BBX: variants seen among roughly 807,000 people sequenced by gnomAD.
BBX encodes the protein HMG box transcription factor BBX.
Under a neutral mutation model 100.2 loss-of-function variants are expected in BBX, and 30 were observed. That is an observed-to-expected ratio of 0.30 (90% CI 0.22 to 0.41). The LOEUF (loss-of-function observed/expected upper bound fraction) is 0.41, where lower values mean the gene tolerates loss of function less well. BBX is among the 10% of genes least tolerant of loss of function. BBX has a pLI of 1.00. For synonymous variants in BBX, 376 were observed against 388.1 expected (o/e 0.97, Z 0.37); for missense variants, 1,023 against 1,129.8 (o/e 0.91, Z 1.35).
chr3:107,747,236 T>TGA (rs2064695347), intron 8 of BBX, among the ~76,000 whole-genome samples: 1 of 151,970 alleles, frequency 6.6e-6, no homozygotes, highest in Non-Finnish European at 1.5e-5. Flanking sequence ...TGAGTGTGTG[T>TGA]GTGTGTGTGT....
At chr3:107,697,763 AGCCTGG>A (rs1299390248) in intron 3 of BBX, among the ~76,000 whole-genome samples, 1 of 151,788 alleles carries the variant, frequency 6.6e-6, no homozygotes, top group Non-Finnish European at 1.5e-5. Flanking sequence ...TACCTAAGCA[AGCCTGG>A]GCAATGGCGG....
intron 2 of BBX, among the ~76,000 whole-genome samples, chr3:107,591,542 C>T (rs1025707058): frequency 2.6e-5 from 4 of 152,148 alleles, no homozygotes; most frequent in African/African-American, 4.8e-5. Context: ...CACTGGAGTG[C>T]GGTAACGCTA....
At chr3:107,562,155 C>A (rs921057749) in intron 2 of BBX, among the ~76,000 whole-genome samples, 2 of 150,916 alleles carry the variant, frequency 1.3e-5, no homozygotes, top group Admixed American at 6.6e-5. Flanking sequence ...GATTCTCACA[C>A]GTTGAAATAA....
intron 3 of BBX, among the ~76,000 whole-genome samples, chr3:107,676,803 G>A (rs1410365245): frequency 1.3e-5 from 2 of 152,148 alleles, no homozygotes; most frequent in Non-Finnish European, 1.5e-5. Flanking sequence ...GTGAGAAAGC[G>A]GTGTAAGGGA....
intron 15 of BBX, among the ~76,000 whole-genome samples, chr3:107,798,120 T>C (rs548703824): frequency 2.6e-5 from 4 of 152,188 alleles, no homozygotes; most frequent in South Asian, 4.1e-4. Context: ...TTTAGTGTCC[T>C]CTGAAGAAAT....
intron 2 of BBX, among the ~76,000 whole-genome samples, chr3:107,583,552 G>A (rs951634673): frequency 4.6e-5 from 7 of 151,526 alleles, no homozygotes; most frequent in Admixed American, 2.0e-4. Context: ...TGATCAAATC[G>A]GGATAATTGG....
At chr3:107,642,888 T>C (rs886602004) in intron 2 of BBX, among the ~76,000 whole-genome samples, 5 of 152,202 alleles carry the variant, frequency 3.3e-5, no homozygotes, top group East Asian at 3.9e-4. Flanking sequence ...ATTAGGGGTA[T>C]GTATGAAAAT....
intron 7 of BBX, among the ~76,000 whole-genome samples, chr3:107,744,174 G>A (rs1243919213): frequency 6.6e-6 from 1 of 152,046 alleles, no homozygotes; most frequent in Admixed American, 6.6e-5. Flanking sequence ...TCTACATTGT[G>A]CCCAGGCAGT....
At chr3:107,703,932 T>C (rs1264829652) in intron 3 of BBX, among the ~76,000 whole-genome samples, 1 of 152,220 alleles carries the variant, frequency 6.6e-6, no homozygotes, top group Non-Finnish European at 1.5e-5. Flanking sequence ...TGCTTCCTTT[T>C]GGTATTTTCA....
rs1434331221 is a variant in BBX at position 107,642,022 on chromosome 3, G to A, written c.-83-3814G>A. Among the ~76,000 whole-genome samples the A allele has an allele frequency of 2.6e-5, 4 of 152,152 alleles. No individual in the cohort carries two copies. In the East Asian group the frequency reaches 7.7e-4, roughly 29 times the overall value. On this transcript the variant is annotated intron_variant, in intron 2 of 17. Transcript: ENST00000325805. ...AGATGATTTAACTAGAGATCAGACT[G>A]TCAGTTTATCATTTCTAGGCCTTTA...
At chr3:107,601,974 A>G (rs986143006) in intron 2 of BBX, among the ~76,000 whole-genome samples, 3 of 152,226 alleles carry the variant, frequency 2.0e-5, no homozygotes, top group African/African-American at 7.2e-5. Context: ...TTGCTCATTT[A>G]CCATTCCAAA....
chr3:107,715,734 G>A (rs769848195), intron 4 of BBX, among the ~76,000 whole-genome samples: 10 of 152,258 alleles, frequency 6.6e-5, no homozygotes, highest in South Asian at 2.1e-4. Flanking sequence ...AAGACTAGGC[G>A]TAGGCCAAAG....
chr3:107,745,716 A>C (rs1007766941), intron 8 of BBX, among the ~76,000 whole-genome samples: 1 of 152,098 alleles, frequency 6.6e-6, no homozygotes, highest in Non-Finnish European at 1.5e-5. Context: ...AGCCCGTCAG[A>C]GTACTGGATT....
chr3:107,568,715 A>G (rs2051122631), intron 2 of BBX, among the ~76,000 whole-genome samples: 1 of 151,928 alleles, frequency 6.6e-6, no homozygotes, highest in South Asian at 2.1e-4. Flanking sequence ...CATTCTGGGG[A>G]AATCCTTGGC....
intron 6 of BBX, among the ~76,000 whole-genome samples, chr3:107,729,663 G>A (rs903502098): frequency 6.6e-6 from 1 of 152,178 alleles, no homozygotes; most frequent in Non-Finnish European, 1.5e-5. Context: ...GAGTTTGCCA[G>A]ATGAAATTAG....
chr3:107,540,734 T>G (rs866533673), intron 2 of BBX, among the ~76,000 whole-genome samples: 8 of 152,350 alleles, frequency 5.3e-5, no homozygotes, highest in African/African-American at 1.9e-4. Context: ...GATTGAATTA[T>G]TTCATATATG....
chr3:107,774,887 C>T (rs2067201484), intron 12 of BBX, 30 bp downstream of exon 12: 1 of 1,604,430 alleles, frequency 6.2e-7, no homozygotes, highest in African/African-American at 1.3e-5. Context: ...GTCACCTGTA[C>T]TCCACAAGCC....
chr3:107,612,682 C>A (rs1217932763), intron 2 of BBX, among the ~76,000 whole-genome samples: 1 of 152,212 alleles, frequency 6.6e-6, no homozygotes, highest in Non-Finnish European at 1.5e-5. Context: ...CGGAACTGTT[C>A]TAGGTCAGAC....
intron 2 of BBX, among the ~76,000 whole-genome samples, chr3:107,627,012 T>G (rs2056229640): frequency 6.6e-6 from 1 of 152,158 alleles, no homozygotes; most frequent in Non-Finnish European, 1.5e-5. Flanking sequence ...GAGCAAGTAG[T>G]CCAAGAGAGT....
Sources: allele counts gnomAD v4.1 joint callset (sites outside exome capture counted in the v4.1 genomes callset), GRCh38; gene constraint gnomAD v4.1.1; transcripts MANE v1.5; gene names NCBI Gene and HGNC (gene_info 2026-07-23, HGNC 2026-07-21).